DNAAF9: variants seen among roughly 807,000 people sequenced by gnomAD.
The protein encoded by DNAAF9 is shulin.
In DNAAF9, 90 loss-of-function variants were observed where a neutral mutation model predicts 167.0. The observed-to-expected ratio is 0.54, with a 90% confidence interval of 0.45 to 0.64. DNAAF9 has a LOEUF of 0.64. Ranked by LOEUF, DNAAF9 falls within the 30% of genes least tolerant of loss-of-function variation. The pLI, the probability that DNAAF9 is intolerant of heterozygous loss-of-function variation, is 0.00. For synonymous variants in DNAAF9, 491 were observed against 508.8 expected (o/e 0.96, Z 0.47); for missense variants, 1,315 against 1,442.2 (o/e 0.91, Z 1.43).
intron 10 of DNAAF9, among the ~76,000 whole-genome samples, chr20:3,337,331 T>G (rs974020321): frequency 8.6e-5 from 13 of 151,334 alleles, no homozygotes; most frequent in African/African-American, 2.9e-4. Context: ...TGGCGTCATC[T>G]TGGCTCACTG....
chr20:3,322,112 G>C (rs1481335136), intron 16 of DNAAF9, 105 bp downstream of exon 16: 1 of 750,118 alleles, frequency 1.3e-6, no homozygotes. Context: ...AGCTTCTTCA[G>C]GTGGGGTGGG....
chr20:3,265,790 G>C (rs1250950962), intron 30 of DNAAF9, among the ~76,000 whole-genome samples: 1 of 149,832 alleles, frequency 6.7e-6, no homozygotes, highest in African/African-American at 2.5e-5. Context: ...CGATTCTCCT[G>C]CCTCAGCCTC....
At chr20:3,402,042 A>G (rs532929104) in intron 1 of DNAAF9, among the ~76,000 whole-genome samples, 2 of 152,166 alleles carry the variant, frequency 1.3e-5, no homozygotes, top group African/African-American at 2.4e-5. Flanking sequence ...CATGTGTGAA[A>G]TATCTTCATC....
At position 3,256,231 on chromosome 20, in the gene DNAAF9, T is replaced by A; in HGVS notation, c.3056-20A>T. Reference sequence around the variant, plus strand: ...CAGAGTCTGTAAGGAGAATACACATTAGTCCCTGAGAGCCTGCCTTGAAAG... The same window carrying A: ...CAGAGTCTGTAAGGAGAATACACATAAGTCCCTGAGAGCCTGCCTTGAAAG... On this transcript the variant is annotated intron_variant, in intron 33 of 36. Coordinates refer to ENST00000252032, the MANE Select transcript of DNAAF9 (RefSeq NM_001009984.3). 2 of 1,564,632 alleles carry A rather than the reference T, an allele frequency of 1.3e-6. No homozygotes were observed. Among genetic ancestry groups the A allele is most frequent in the Non-Finnish European group, 1.8e-6 (2 of 1,135,068 alleles).
At chr20:3,405,864 G>A (rs899013848) in intron 1 of DNAAF9, among the ~76,000 whole-genome samples, 1 of 152,162 alleles carries the variant, frequency 6.6e-6, no homozygotes, top group Non-Finnish European at 1.5e-5. Context: ...ACGGATGGCT[G>A]TTCTAAAGTA....
chr20:3,284,564 TGTCA>T (rs1398249640), intron 27 of DNAAF9, among the ~76,000 whole-genome samples: 1 of 141,448 alleles, frequency 7.1e-6, no homozygotes, highest in Non-Finnish European at 1.6e-5. Flanking sequence ...GTTTGCTTTC[TGTCA>T]GTATTTTCTT....
At chr20:3,312,350 A>G (rs1421888222) in intron 20 of DNAAF9, among the ~76,000 whole-genome samples, 4 of 152,102 alleles carry the variant, frequency 2.6e-5, no homozygotes, top group Non-Finnish European at 4.4e-5. Context: ...GACCTGTACT[A>G]TCCTCCAGAC....
At chr20:3,407,454 G>C (rs1311968859) in intron 1 of DNAAF9, 21 bp downstream of exon 1, 40 of 1,300,674 alleles carry the variant, frequency 3.1e-5, no homozygotes, top group Non-Finnish European at 3.8e-5. Flanking sequence ...GCCGCCCCTC[G>C]GCTGCCTCTG....
At position 3,368,712 on chromosome 20, in the gene DNAAF9, G is replaced by T. The variant is rs560026710; in HGVS notation, c.612+5336C>A. On this transcript the variant is annotated intron_variant, in intron 6 of 36. Coordinates refer to ENST00000252032, the MANE Select transcript of DNAAF9 (RefSeq NM_001009984.3). ...ATTTTTTTTTTTAAGTAGAGACAGG[G>T]TTTCACCGTGTTAGCCAGGATGGTC... Among the ~76,000 whole-genome samples, 454 of 151,920 alleles carry T rather than the reference G, an allele frequency of 3.0e-3. 2 individuals are homozygous for T. The highest frequency in any genetic ancestry group is 4.5e-3 in the Non-Finnish European group (303 of 67,910).
intron 25 of DNAAF9, among the ~76,000 whole-genome samples, chr20:3,291,472 T>C (rs1029249579): frequency 6.6e-6 from 1 of 151,610 alleles, no homozygotes; most frequent in African/African-American, 2.4e-5. Flanking sequence ...GCCTCCCGAG[T>C]AGCTGGGACT....
chr20:3,350,390 T>A (rs2070298785), intron 7 of DNAAF9, among the ~76,000 whole-genome samples: 1 of 151,662 alleles, frequency 6.6e-6, no homozygotes, highest in East Asian at 1.9e-4. Flanking sequence ...ATATATAACG[T>A]AGGATAAAAC....
intron 31 of DNAAF9, among the ~76,000 whole-genome samples, chr20:3,263,291 G>A (rs201111197): frequency 3.9e-5 from 6 of 152,070 alleles, no homozygotes; most frequent in East Asian, 1.9e-4. Context: ...TTTTTGTTAC[G>A]AAAAAAGTTG....
At chr20:3,260,672 C>T (rs904332516) in intron 31 of DNAAF9, among the ~76,000 whole-genome samples, 1 of 152,126 alleles carries the variant, frequency 6.6e-6, no homozygotes, top group African/African-American at 2.4e-5. Flanking sequence ...CTCTGTTTCC[C>T]AGGCTGGAGT....
intron 14 of DNAAF9, 149 bp downstream of exon 14, chr20:3,324,741 GGC>G (rs1491392754): frequency 1.6e-6 from 1 of 615,416 alleles, no homozygotes. Context: ...TCTAAGTGAA[GGC>G]TGAATCATGA....
intron 6 of DNAAF9, among the ~76,000 whole-genome samples, chr20:3,367,384 T>G (rs1309307733): frequency 6.6e-6 from 1 of 152,240 alleles, no homozygotes; most frequent in Non-Finnish European, 1.5e-5. Flanking sequence ...GCTTTTAGTT[T>G]CCTTCAAGAA....
intron 25 of DNAAF9, among the ~76,000 whole-genome samples, chr20:3,293,468 T>C (rs1002651398): frequency 4.0e-5 from 6 of 150,508 alleles, no homozygotes; most frequent in African/African-American, 1.5e-4. Context: ...GCGGATCACC[T>C]GAGGTCAAGA....
intron 30 of DNAAF9, among the ~76,000 whole-genome samples, chr20:3,264,769 C>T (rs937410715): frequency 4.6e-5 from 7 of 152,166 alleles, no homozygotes; most frequent in Admixed American, 4.6e-4. Flanking sequence ...GGGGTTTCAC[C>T]ATGTTGGCCA....
chr20:3,306,286 T>C (rs188833153), intron 20 of DNAAF9, among the ~76,000 whole-genome samples: 19 of 152,304 alleles, frequency 1.2e-4, no homozygotes, highest in African/African-American at 4.6e-4. Flanking sequence ...CTGATGTCAC[T>C]GAGCCTTCAC....
intron 10 of DNAAF9, among the ~76,000 whole-genome samples, chr20:3,336,360 T>C (rs558652159): frequency 6.9e-6 from 1 of 145,302 alleles, no homozygotes; most frequent in South Asian, 2.4e-4. Flanking sequence ...ACTCCAACAA[T>C]ATGAATATTT....
Sources: gnomAD v4.1 joint callset for allele counts (sites outside exome capture counted in the v4.1 genomes callset) on GRCh38, gnomAD v4.1.1 for gene constraint, MANE v1.5 for transcripts, NCBI Gene and HGNC (gene_info 2026-07-23, HGNC 2026-07-21) for gene names.